The following NETO2 variants were observed in gnomAD, a reference collection of about 807,000 sequenced individuals.
NETO2 encodes the protein neuropilin and tolloid-like protein 2.
A neutral mutation model predicts 62.5 loss-of-function variants in NETO2; 28 were observed. That is an observed-to-expected ratio of 0.45 (90% CI 0.33 to 0.61). NETO2 has a LOEUF of 0.61. Among genes scored for constraint, NETO2 ranks in the 20% least tolerant of loss-of-function variants. The pLI is 0.02. For synonymous variants in NETO2, 214 were observed against 219.1 expected (o/e 0.98, Z 0.21); for missense variants, 548 against 643.2 (o/e 0.85, Z 1.60).
At chr16:47,111,053 A>C (rs1199719708) in intron 6 of NETO2, among the ~76,000 whole-genome samples, 1 of 152,204 alleles carries the variant, frequency 6.6e-6, no homozygotes, top group Non-Finnish European at 1.5e-5. Flanking sequence ...AACAGTTCTC[A>C]TTAGTTTTCC....
At chr16:47,112,117 C>T (rs1168766037) in intron 6 of NETO2, among the ~76,000 whole-genome samples, 2 of 151,760 alleles carry the variant, frequency 1.3e-5, no homozygotes, top group African/African-American at 4.8e-5. Flanking sequence ...AGGGTCTTGC[C>T]ATGTTGTCTA....
intron 1 of NETO2, 109 bp downstream of exon 1, chr16:47,143,470 G>A: frequency 8.6e-7 from 1 of 1,163,420 alleles, no homozygotes; most frequent in South Asian, 4.3e-5. Flanking sequence ...CAGACAAAGA[G>A]GCGCGTCGGG....
intron 7 of NETO2, among the ~76,000 whole-genome samples, chr16:47,091,408 T>C (rs139313565): frequency 6.6e-6 from 1 of 152,186 alleles, no homozygotes; most frequent in Non-Finnish European, 1.5e-5. Context: ...TAGAGAAGAA[T>C]TTCTCATCAT....
At chr16:47,136,578 T>C (rs954100308) in intron 1 of NETO2, among the ~76,000 whole-genome samples, 19 of 152,088 alleles carry the variant, frequency 1.2e-4, no homozygotes, top group Non-Finnish European at 1.2e-4. Context: ...GCTCATTTTT[T>C]CTATTTTAGT....
At chr16:47,106,646 T>G (rs978822504) in intron 7 of NETO2, among the ~76,000 whole-genome samples, 7 of 152,156 alleles carry the variant, frequency 4.6e-5, no homozygotes, top group African/African-American at 1.7e-4. Flanking sequence ...TCTTTATAAC[T>G]GCAAATATTG....
chr16:47,111,680 CT>C (rs1427690138), intron 6 of NETO2, among the ~76,000 whole-genome samples: 7 of 152,182 alleles, frequency 4.6e-5, no homozygotes, highest in African/African-American at 1.7e-4. Context: ...TTTCCCTCCC[CT>C]CATAGGAAGT....
In NETO2 at chr16:47,123,646, TA is replaced by T. The variant is rs529149418; in HGVS notation, c.482-735del. Among the ~76,000 whole-genome samples the T allele has an allele frequency of 5.5e-3, 835 of 152,208 alleles. 6 individuals carry two copies. The highest frequency in any genetic ancestry group is 0.01 in the Middle Eastern group (3 of 294). On this transcript the variant is annotated intron_variant, in intron 4 of 8. Coordinates refer to ENST00000562435, the MANE Select transcript of NETO2 (RefSeq NM_018092.5). ...CTGTGTATATACCTAACAGCCAGAA[TA>T]AAAAAAATTGCTGGGTTGTCTAAAA...
At chr16:47,093,494 CCTAA>C (rs977950686) in intron 7 of NETO2, among the ~76,000 whole-genome samples, 26 of 152,168 alleles carry the variant, frequency 1.7e-4, no homozygotes, top group Admixed American at 6.5e-4. Context: ...GGTCACCTTA[CCTAA>C]CTGACTGGAA....
intron 6 of NETO2, among the ~76,000 whole-genome samples, chr16:47,122,375 T>C (rs377180225): frequency 2.5e-4 from 38 of 152,180 alleles, no homozygotes; most frequent in Non-Finnish European, 3.2e-4. Flanking sequence ...CACTCACCAA[T>C]TGGGAACTGA....
intron 3 of NETO2, 21 bp downstream of exon 3, chr16:47,129,203 T>A (rs1026762212): frequency 1.2e-5 from 20 of 1,609,182 alleles, no homozygotes; most frequent in Non-Finnish European, 1.4e-5. Context: ...ATTCATCCAA[T>A]AAAAGAAATC....
intron 7 of NETO2, among the ~76,000 whole-genome samples, chr16:47,098,185 T>C (rs542447448): frequency 3.5e-4 from 53 of 152,250 alleles, no homozygotes; most frequent in African/African-American, 1.3e-3. Flanking sequence ...ATTTGATGAA[T>C]TGACAGAAGT....
At chr16:47,095,769 C>T (rs1012235015) in intron 7 of NETO2, among the ~76,000 whole-genome samples, 29 of 152,034 alleles carry the variant, frequency 1.9e-4, no homozygotes, top group Non-Finnish European at 3.5e-4. Flanking sequence ...GGCAGAACAT[C>T]AATAAGAAAA....
At chr16:47,138,305 C>G (rs1329762152) in intron 1 of NETO2, among the ~76,000 whole-genome samples, 1 of 152,176 alleles carries the variant, frequency 6.6e-6, no homozygotes, top group South Asian at 2.1e-4. Context: ...GAGGCTGAGG[C>G]AGGAGAATCG....
In NETO2 at chr16:47,086,478, T is replaced by C. The variant is rs1161399956; in HGVS notation, c.884-139A>G. On this transcript the variant is annotated intron_variant, in intron 7 of 8. Transcript: ENST00000562435. ...AATAAACTCTGTACTATTCAAACAA[T>C]AAGACAAACGTCAATATTCTCTGAT... The C allele has an allele frequency of 4.6e-5, 28 of 613,138 alleles. No individual in the cohort carries two copies. The East Asian group carries it at 7.4e-4, about 16-fold the overall frequency. 38.0% of individuals were successfully genotyped at this position (613,138 alleles called of 1,614,324 possible).
At chr16:47,133,285 C>A (rs183689723) in intron 1 of NETO2, among the ~76,000 whole-genome samples, 1 of 151,992 alleles carries the variant, frequency 6.6e-6, no homozygotes, top group African/African-American at 2.4e-5. Flanking sequence ...TAAATAAGAA[C>A]ATGGAGGGCA....
At chr16:47,126,009 C>T (rs1964150664) in intron 4 of NETO2, among the ~76,000 whole-genome samples, 1 of 152,170 alleles carries the variant, frequency 6.6e-6, no homozygotes, top group Non-Finnish European at 1.5e-5. Flanking sequence ...CCCCACATAC[C>T]CTGATAACCA....
chr16:47,085,800 A>AT (rs1156376065), intron 8 of NETO2, among the ~76,000 whole-genome samples: 2 of 151,690 alleles, frequency 1.3e-5, no homozygotes, highest in African/African-American at 4.8e-5. Flanking sequence ...ACATGTTTCC[A>AT]TTTTTGTCAA....
At chr16:47,122,387 A>G (rs1964059470) in intron 6 of NETO2, among the ~76,000 whole-genome samples, 1 of 152,232 alleles carries the variant, frequency 6.6e-6, no homozygotes, top group South Asian at 2.1e-4. Flanking sequence ...GGGAACTGAC[A>G]GGTCTTAAGA....
In NETO2 at chr16:47,109,948, T is replaced by C. The variant is rs528165766; in HGVS notation, c.655-237A>G. On this transcript the variant is annotated intron_variant, in intron 6 of 8. Transcript: ENST00000562435. ...TACTTTGTGTTTTGTCTATAAAGAG[T>C]AGAAACTTTTTGCTCACAAGGCATA... Among the ~76,000 whole-genome samples the C allele has an allele frequency of 4.6e-5, 7 of 152,270 alleles. No individual in the cohort carries two copies. The East Asian group carries it at 1.4e-3, about 29-fold the overall frequency.
Sources: allele counts gnomAD v4.1 joint callset (sites outside exome capture counted in the v4.1 genomes callset), GRCh38; gene constraint gnomAD v4.1.1; transcripts MANE v1.5; gene names NCBI Gene and HGNC (gene_info 2026-07-23, HGNC 2026-07-21).